Variants in GFRA2 observed in about 807,000 individuals in gnomAD.
GFRA2 encodes the protein GDNF family receptor alpha 2.
Under a neutral mutation model 48.3 loss-of-function variants are expected in GFRA2, and 17 were observed. That is an observed-to-expected ratio of 0.35 (90% CI 0.24 to 0.53). The LOEUF is 0.53. GFRA2 is among the 20% of genes least tolerant of loss of function. GFRA2 has a pLI of 0.93. For missense variants in GFRA2, 660 were observed against 637.3 expected, an observed-to-expected ratio of 1.04 and a Z score of -0.38; for synonymous variants, 305 against 257.2, an observed-to-expected ratio of 1.19 and a Z score of -1.78.
At chr8:21,737,027 G>A (rs1473418994) in intron 4 of GFRA2, among the ~76,000 whole-genome samples, 1 of 151,800 alleles carries the variant, frequency 6.6e-6, no homozygotes, top group Non-Finnish European at 1.5e-5. Flanking sequence ...GCTCAGAAGG[G>A]ACCTAAAAGA....
At chr8:21,758,160 G>C (rs942471204) in intron 3 of GFRA2, among the ~76,000 whole-genome samples, 2 of 151,466 alleles carry the variant, frequency 1.3e-5, no homozygotes, top group Admixed American at 6.6e-5. Flanking sequence ...CAAAAACTGA[G>C]ACCCAAAGCT....
chr8:21,799,790 C>G (rs1807740352), intron 2 of GFRA2, among the ~76,000 whole-genome samples: 1 of 152,144 alleles, frequency 6.6e-6, no homozygotes, highest in East Asian at 1.9e-4. Flanking sequence ...TGGCCCATAA[C>G]GAGCTGGCAA....
intron 7 of GFRA2, among the ~76,000 whole-genome samples, chr8:21,700,168 G>A (rs1802400907): frequency 6.6e-6 from 1 of 152,184 alleles, no homozygotes; most frequent in Non-Finnish European, 1.5e-5. Flanking sequence ...AGGTGTCCAA[G>A]ACTGACCTGA....
intron 3 of GFRA2, among the ~76,000 whole-genome samples, chr8:21,768,490 C>T (rs1043054500): frequency 1.3e-5 from 2 of 152,174 alleles, no homozygotes; most frequent in Non-Finnish European, 2.9e-5. Context: ...CCTGCTGAAA[C>T]ATTAAAGCCT....
Position 21,788,166 on chromosome 8 carries a change from T to A in GFRA2, c.-7A>T. 9.4e-6 allele frequency: 15 copies of A among 1,592,728 alleles called. No individual in the cohort carries two copies. Among genetic ancestry groups the A allele is most frequent in the Non-Finnish European group, 1.0e-5 (12 of 1,168,756 alleles). ...AGACGTTTGCCAAGATCATGTTAAA[T>A]AAATCCCACCGTTTTTTTGTCTTTC... On this transcript the variant is annotated 5_prime_UTR_variant, in exon 1 of 9. Transcript: ENST00000524240.
intron 4 of GFRA2, among the ~76,000 whole-genome samples, chr8:21,723,103 G>T (rs10109112): frequency 2.1e-3 from 324 of 152,290 alleles, no homozygotes; most frequent in Middle Eastern, 6.8e-3. Flanking sequence ...TTGAACTGCA[G>T]CCTCTGGCTT....
chr8:21,738,524 T>A (rs2117536221), intron 4 of GFRA2, among the ~76,000 whole-genome samples: 1 of 152,146 alleles, frequency 6.6e-6, no homozygotes, highest in East Asian at 2.0e-4. Flanking sequence ...AGTTGAATCA[T>A]GTCTATCTCT....
chr8:21,742,664 C>A (rs562841833), intron 4 of GFRA2, among the ~76,000 whole-genome samples: 9 of 152,222 alleles, frequency 5.9e-5, no homozygotes, highest in African/African-American at 2.2e-4. Context: ...CCTGTGTGAA[C>A]AAACACACGC....
chr8:21,720,386 G>A (rs1803537782), intron 4 of GFRA2, among the ~76,000 whole-genome samples: 1 of 152,196 alleles, frequency 6.6e-6, no homozygotes, highest in Admixed American at 6.5e-5. Context: ...ATAAAAGGGG[G>A]CAAGGAGTTT....
chr8:21,793,784 TA>T, upstream of GFRA2, among the ~76,000 whole-genome samples: 1 of 151,944 alleles, frequency 6.6e-6, no homozygotes, highest in East Asian at 1.9e-4. Context: ...CACATGTTCA[TA>T]TTCCCCTTCA....
chr8:21,749,848 C>T (rs951075381), intron 4 of GFRA2, among the ~76,000 whole-genome samples: 2 of 151,828 alleles, frequency 1.3e-5, no homozygotes, highest in African/African-American at 4.8e-5. Context: ...CCTTCCATCC[C>T]TTCACCTATA....
At chr8:21,757,019 C>G (rs1262700801) in intron 3 of GFRA2, among the ~76,000 whole-genome samples, 1 of 152,182 alleles carries the variant, frequency 6.6e-6, no homozygotes, top group Non-Finnish European at 1.5e-5. Flanking sequence ...TGGCCTTCTC[C>G]AAAACCGCAG....
intron 3 of GFRA2, among the ~76,000 whole-genome samples, chr8:21,759,766 G>A (rs1025984193): frequency 6.6e-6 from 1 of 151,478 alleles, no homozygotes; most frequent in Non-Finnish European, 1.5e-5. Context: ...GCATGTGCCT[G>A]TAATCCCAGC....
chr8:21,781,827 C>T (rs1807004785), intron 2 of GFRA2, among the ~76,000 whole-genome samples: 1 of 152,172 alleles, frequency 6.6e-6, no homozygotes, highest in South Asian at 2.1e-4. Flanking sequence ...ATCCTCCACA[C>T]CCAGGTCTGG....
At chr8:21,728,999 C>A (rs1347066717) in intron 4 of GFRA2, among the ~76,000 whole-genome samples, 9 of 152,200 alleles carry the variant, frequency 5.9e-5, no homozygotes. Context: ...GTGGCAGATT[C>A]CGCAGTGGTG....
In GFRA2 at chr8:21,705,060, T is replaced by C. The variant is rs1346327106; in HGVS notation, c.970A>G (p.Ser324Gly). 5.0e-6 allele frequency: 8 copies of C among 1,611,022 alleles called. No homozygotes were observed. The highest frequency in any genetic ancestry group is 6.8e-6 in the Non-Finnish European group (8 of 1,179,048). ...TCCATGTTCCCGCTGCCACGACAGC[T>C]GCACCAGGGGGACACCACGATGCCA... ...PTGIVVSPWC[S>G]CRGSGNMEEE... Residue 324 changes from serine to glycine, a missense_variant, in exon 6 of 9, where the codon AGC (serine) becomes GGC (glycine). Physicochemically the swap from Ser to Gly is moderately conservative, Grantham distance 56 (BLOSUM62 0). Transcript: ENST00000524240.
chr8:21,712,891 C>T (rs1406659076), intron 4 of GFRA2, among the ~76,000 whole-genome samples: 11 of 151,476 alleles, frequency 7.3e-5, no homozygotes, highest in Non-Finnish European at 7.4e-5. Context: ...CCTGCAATCG[C>T]AGGCACTCGG....
At chr8:21,776,340 T>C (rs890566262) in intron 2 of GFRA2, among the ~76,000 whole-genome samples, 2 of 151,140 alleles carry the variant, frequency 1.3e-5, no homozygotes, top group African/African-American at 4.9e-5. Context: ...AGGAAGCATA[T>C]TCCCTGCATT....
intron 3 of GFRA2, 113 bp downstream of exon 3, chr8:21,774,859 G>T: frequency 1.5e-6 from 1 of 674,924 alleles, no homozygotes; most frequent in Admixed American, 2.0e-5. Flanking sequence ...ACGAGCTGAT[G>T]GGCAGCAGGG....
Sources: gnomAD v4.1 joint callset for allele counts (sites outside exome capture counted in the v4.1 genomes callset) on GRCh38, gnomAD v4.1.1 for gene constraint, MANE v1.5 for transcripts, NCBI Gene and HGNC (gene_info 2026-07-23, HGNC 2026-07-21) for gene names.